The following CEP89 variants were observed in gnomAD, a reference collection of about 807,000 sequenced individuals.
CEP89 encodes the protein centrosomal protein 89, also known as centrosomal protein of 89 kDa.
CEP89 carries 95 observed loss-of-function variants against 97.6 expected under a neutral mutation model. The observed-to-expected ratio is 0.97, with a 90% confidence interval of 0.82 to 1.15. CEP89 has a LOEUF of 1.15. Among genes scored for constraint, CEP89 ranks in the 50% most tolerant of loss-of-function variants. The pLI, the probability that CEP89 is intolerant of heterozygous loss-of-function variation, is 0.00. For missense variants in CEP89, 869 were observed against 947.7 expected, an observed-to-expected ratio of 0.92 and a Z score of 1.09; for synonymous variants, 354 against 349.1, an observed-to-expected ratio of 1.01 and a Z score of -0.16.
intron 2 of CEP89, among the ~76,000 whole-genome samples, chr19:32,964,335 C>T (rs1197305958): frequency 2.0e-5 from 3 of 152,142 alleles, no homozygotes. Flanking sequence ...CCACACCCAG[C>T]TAATTTTTGT....
At chr19:32,882,036 G>C in intron 17 of CEP89, 23 bp from the exon 18 acceptor site, 1 of 1,548,152 alleles carries the variant, frequency 6.5e-7, no homozygotes, top group African/African-American at 1.4e-5. Context: ...AGGACTCTGT[G>C]AATGAGGGGA....
intron 16 of CEP89, among the ~76,000 whole-genome samples, chr19:32,897,220 A>G (rs1431134781): frequency 6.6e-6 from 1 of 152,236 alleles, no homozygotes; most frequent in African/African-American, 2.4e-5. Flanking sequence ...GTGTCTTTCT[A>G]TGTAAGACTG....
chr19:32,894,822 G>A (rs896784838), intron 16 of CEP89, among the ~76,000 whole-genome samples: 3 of 152,150 alleles, frequency 2.0e-5, no homozygotes, highest in African/African-American at 7.2e-5. Context: ...CTTCTGCTAT[G>A]CAATAGACTT....
rs1303919744 is a variant in CEP89, at chr19:32,879,148, G to A, written c.*14C>T. On this transcript the variant is annotated 3_prime_UTR_variant, in exon 19 of 19. Coordinates refer to ENST00000305768, the MANE Select transcript of CEP89 (RefSeq NM_032816.5). The stretch of plus-strand genomic sequence containing the variant: ...TCAGGCCAGAGGAGGCTACACCACG[G>A]GCTCCCGCAGATTCTAGCAGGTGGG... 6.3e-7 allele frequency: 1 copy of A among 1,594,284 alleles called. No homozygotes were observed. Among genetic ancestry groups the A allele is most frequent in the Non-Finnish European group, 8.6e-7 (1 of 1,168,378 alleles).
intron 6 of CEP89, 143 bp from the exon 7 acceptor site, chr19:32,937,816 G>T: frequency 1.4e-6 from 1 of 701,510 alleles, no homozygotes; most frequent in Non-Finnish European, 2.5e-6. Context: ...GTTTGTTTTA[G>T]CTTTCAAAAC....
chr19:32,905,478 T>C (rs1969868748), intron 14 of CEP89, among the ~76,000 whole-genome samples: 1 of 124,924 alleles, frequency 8.0e-6, no homozygotes, highest in Non-Finnish European at 1.7e-5. Context: ...AGGCCTGGAG[T>C]TTTCAAAGGA....
intron 3 of CEP89, 83 bp downstream of exon 3, chr19:32,959,817 A>G (rs1971126427): frequency 1.4e-6 from 2 of 1,467,462 alleles, no homozygotes; most frequent in Non-Finnish European, 9.4e-7. Context: ...ACATGTACGC[A>G]TGCACACATA....
intron 2 of CEP89, 129 bp from the exon 3 acceptor site, chr19:32,960,187 C>T: frequency 1.2e-6 from 1 of 859,722 alleles, no homozygotes; most frequent in Non-Finnish European, 1.8e-6. Flanking sequence ...ACTCTGCACC[C>T]ATCATCTACC....
chr19:32,896,783 T>C (rs60562908), intron 16 of CEP89, among the ~76,000 whole-genome samples: 11,963 of 151,786 alleles, frequency 0.079, 1,460 homozygotes, highest in African/African-American at 0.26. Flanking sequence ...CTCTCTCTTT[T>C]TTTTTTTAAG....
rs57320662 is a variant in CEP89, at chr19:32,881,307, G to GTAATAA, written c.2135+531_2135+536dup. ...CAGAGCCAGACCCTGTCTATAAGTA[G>GTAATAA]TAATAATAATAATAATAATAGAAAT... is the stretch of plus-strand genomic sequence containing the variant. On this transcript the variant is annotated intron_variant, in intron 18 of 18. Coordinates refer to ENST00000305768, the MANE Select transcript of CEP89 (RefSeq NM_032816.5). 1.1e-3 allele frequency among the ~76,000 whole-genome samples: 161 copies of GTAATAA among 150,954 alleles called. 1 individual carries two copies. The East Asian group carries it at 0.012, about 11-fold the overall frequency.
chr19:32,958,141 G>A (rs1041746063), intron 3 of CEP89, among the ~76,000 whole-genome samples: 1 of 150,284 alleles, frequency 6.7e-6, no homozygotes, highest in African/African-American at 2.5e-5. Flanking sequence ...CTCGTTTTTA[G>A]TTTTTACTCA....
chr19:32,959,289 T>C lies in CEP89; in HGVS notation c.305+611A>G, dbSNP rs540484286. Among the ~76,000 whole-genome samples the C allele has an allele frequency of 2.6e-5, 4 of 152,156 alleles. No homozygotes were observed. The South Asian group carries it at 6.2e-4, about 24-fold the overall frequency. On this transcript the variant is annotated intron_variant, in intron 3 of 18. Transcript: ENST00000305768. The stretch of plus-strand genomic sequence containing the variant: ...CCCTCGTTTCTGTCTGGAAAGCTCA[T>C]CCCAGCCCCACAAAGATCATGCCTA...
chr19:32,961,504 G>C (rs897707404), intron 2 of CEP89, among the ~76,000 whole-genome samples: 5 of 150,748 alleles, frequency 3.3e-5, no homozygotes, highest in African/African-American at 1.2e-4. Flanking sequence ...GCGTGAACCT[G>C]GGAGGTGGAG....
intron 6 of CEP89, among the ~76,000 whole-genome samples, chr19:32,938,856 A>C (rs920087489): frequency 6.6e-6 from 1 of 152,158 alleles, no homozygotes; most frequent in Non-Finnish European, 1.5e-5. Context: ...AGGATGAGGC[A>C]GGAGAATCAC....
intron 16 of CEP89, among the ~76,000 whole-genome samples, chr19:32,888,486 C>T (rs1193618060): frequency 6.6e-6 from 1 of 152,014 alleles, no homozygotes; most frequent in Non-Finnish European, 1.5e-5. Context: ...AGAAATTGCT[C>T]CAGGTCACAT....
intron 5 of CEP89, among the ~76,000 whole-genome samples, chr19:32,946,383 T>C (rs73035531): frequency 0.15 from 22,131 of 152,228 alleles, 1,976 homozygotes; most frequent in Non-Finnish European, 0.21. Context: ...GGCCACACAA[T>C]GCAGATGTTA....
Position 32,915,920 on chromosome 19 carries a change from A to G in CEP89, c.1385-403T>C, listed in dbSNP as rs191455438. The stretch of plus-strand genomic sequence containing the variant: ...GGCAACAGAGTGAGACTCTCTCAGA[A>G]AAAAAAAAAAAAAAAAAGATATTTT... On this transcript the variant is annotated intron_variant, in intron 13 of 18. Transcript: ENST00000305768. 0.015 allele frequency among the ~76,000 whole-genome samples: 60 copies of G among 3,938 alleles called. No homozygotes were observed. In the East Asian group the frequency reaches 0.21, roughly 14 times the overall value. The allele number at this position is 3,938 out of a possible 152,430, so 2.6% of individuals were successfully genotyped here. A position where few individuals can be genotyped will look rare whatever the true frequency, so the allele number is the denominator to read the frequency against.
At chr19:32,887,999 C>T (rs578165365) in intron 16 of CEP89, among the ~76,000 whole-genome samples, 158 bp from the exon 17 acceptor site, 14 of 152,340 alleles carry the variant, frequency 9.2e-5, no homozygotes, top group Admixed American at 8.5e-4. Context: ...AGGGCCTGGG[C>T]CTCAGGCCAA....
chr19:32,968,312 G>A (rs916953735), intron 1 of CEP89, among the ~76,000 whole-genome samples: 4 of 152,170 alleles, frequency 2.6e-5, no homozygotes, highest in African/African-American at 7.2e-5. Flanking sequence ...GCGGTGGCAC[G>A]ATCTTGGCTC....
Sources: allele counts gnomAD v4.1 joint callset (sites outside exome capture counted in the v4.1 genomes callset), GRCh38; gene constraint gnomAD v4.1.1; transcripts MANE v1.5; gene names NCBI Gene and HGNC (gene_info 2026-07-23, HGNC 2026-07-21).